The following CTNNBL1 variants were observed in gnomAD, a reference collection of about 807,000 sequenced individuals.
The protein encoded by CTNNBL1 is catenin beta like 1.
Under a neutral mutation model 72.7 loss-of-function variants are expected in CTNNBL1, and 31 were observed. That is an observed-to-expected ratio of 0.43 (90% CI 0.32 to 0.58). The LOEUF (loss-of-function observed/expected upper bound fraction) is 0.58, where lower values mean the gene tolerates loss of function less well. CTNNBL1 is among the 20% of genes least tolerant of loss of function. The pLI is 0.08. For missense variants in CTNNBL1, 534 were observed against 725.1 expected, an observed-to-expected ratio of 0.74 and a Z score of 3.03; for synonymous variants, 240 against 267.3, an observed-to-expected ratio of 0.90 and a Z score of 1.00.
chr20:37,790,082 T>G (rs1388133530), intron 10 of CTNNBL1, among the ~76,000 whole-genome samples: 1 of 152,224 alleles, frequency 6.6e-6, no homozygotes, highest in Non-Finnish European at 1.5e-5. Flanking sequence ...CAATAAGATT[T>G]TCCTTACCCT....
chr20:37,779,697 A>T (rs1278256841), intron 10 of CTNNBL1, among the ~76,000 whole-genome samples: 5 of 152,092 alleles, frequency 3.3e-5, no homozygotes, highest in Non-Finnish European at 7.3e-5. Context: ...TATCACATAG[A>T]CCTATCTATG....
In CTNNBL1 at chr20:37,757,549, C is replaced by T; in HGVS notation, c.467-10C>T. On this transcript the variant is annotated splice_polypyrimidine_tract_variant and intron_variant, in intron 4 of 15. Coordinates refer to ENST00000361383, the MANE Select transcript of CTNNBL1 (RefSeq NM_030877.5). Reference sequence around the variant, plus strand: ...TTCAGTATGTGTGTTATACCCTTAACATTTTTCACATGTGTCCATAGCTGT... The same window carrying T: ...TTCAGTATGTGTGTTATACCCTTAATATTTTTCACATGTGTCCATAGCTGT... The T allele has an allele frequency of 6.2e-7, 1 of 1,604,210 alleles. No homozygotes were observed. The highest frequency in any genetic ancestry group is 8.5e-7 in the Non-Finnish European group (1 of 1,171,270).
At chr20:37,760,141 C>G (rs892679938) in intron 5 of CTNNBL1, among the ~76,000 whole-genome samples, 8 of 152,188 alleles carry the variant, frequency 5.3e-5, no homozygotes, top group Non-Finnish European at 1.2e-4. Flanking sequence ...TGCTTTGTAA[C>G]AAGTTGATCT....
rs1280684474 is a variant in CTNNBL1, at chr20:37,731,796, A to AT, written c.31-1075dup. Among the ~76,000 whole-genome samples, 16 of 151,944 alleles carry AT rather than the reference A, an allele frequency of 1.1e-4. No homozygotes were observed. In the Middle Eastern group the frequency reaches 0.02, roughly 194 times the overall value. ...GTAGAATTCTATTGTGTATGTATAC[A>AT]TTTTTTTTATCCATTCATCTAGTGA... On this transcript the variant is annotated intron_variant, in intron 1 of 15. Transcript: ENST00000361383.
chr20:37,740,171 A>T (rs979143664), intron 3 of CTNNBL1, among the ~76,000 whole-genome samples: 2 of 152,216 alleles, frequency 1.3e-5, no homozygotes, highest in African/African-American at 4.8e-5. Context: ...GAGCATATGA[A>T]AATTGAAATT....
At chr20:37,804,335 C>A (rs1463218674) in intron 11 of CTNNBL1, among the ~76,000 whole-genome samples, 3 of 152,262 alleles carry the variant, frequency 2.0e-5, no homozygotes, top group Non-Finnish European at 4.4e-5. Context: ...AAGCCTGCCA[C>A]TTTCCTGGCC....
intron 12 of CTNNBL1, among the ~76,000 whole-genome samples, chr20:37,841,375 T>C (rs558100175): frequency 6.6e-6 from 1 of 152,306 alleles, no homozygotes; most frequent in South Asian, 2.1e-4. Flanking sequence ...ATCTTTGAAA[T>C]GGGGTTTGCT....
At chr20:37,757,453 G>A in intron 4 of CTNNBL1, 106 bp from the exon 5 acceptor site, 1 of 696,762 alleles carries the variant, frequency 1.4e-6, no homozygotes, top group Non-Finnish European at 2.5e-6. Flanking sequence ...GTCTATTAAA[G>A]GTAGATGGTG....
chr20:37,799,271 T>C (rs2073803477), intron 10 of CTNNBL1, among the ~76,000 whole-genome samples: 1 of 152,164 alleles, frequency 6.6e-6, no homozygotes, highest in Non-Finnish European at 1.5e-5. Flanking sequence ...TTGTTTGAAA[T>C]TCTCATGCCT....
intron 3 of CTNNBL1, among the ~76,000 whole-genome samples, chr20:37,743,887 A>G (rs917064177): frequency 1.3e-5 from 2 of 152,124 alleles, no homozygotes; most frequent in African/African-American, 4.8e-5. Context: ...TTCTTTTAGC[A>G]CAGAAAATAT....
rs561452834 is a variant in CTNNBL1, at chr20:37,702,929, C to G, written c.30+8777C>G. ...TGGTTGTTTCCCCTTCTGGAAAGCT[C>G]TTGTTCTACTATCTTGTTAGCTTGT... On this transcript the variant is annotated intron_variant, in intron 1 of 15. Transcript: ENST00000361383. Among the ~76,000 whole-genome samples the G allele has an allele frequency of 2.5e-4, 38 of 152,274 alleles. 1 individual carries two copies. In the South Asian group the frequency reaches 7.9e-3, roughly 32 times the overall value.
At chr20:37,702,490 A>C (rs1188669683) in intron 1 of CTNNBL1, among the ~76,000 whole-genome samples, 1 of 152,160 alleles carries the variant, frequency 6.6e-6, no homozygotes, top group Non-Finnish European at 1.5e-5. Context: ...TAAGAATATG[A>C]TTCTAATCAT....
chr20:37,762,572 G>A (rs145955735), intron 5 of CTNNBL1, among the ~76,000 whole-genome samples: 340 of 152,250 alleles, frequency 2.2e-3, no homozygotes, highest in African/African-American at 7.7e-3. Flanking sequence ...CAAGGCAAGG[G>A]TTGCCCTGGC....
At chr20:37,858,061 G>A (rs2072458593) in intron 13 of CTNNBL1, among the ~76,000 whole-genome samples, 1 of 152,196 alleles carries the variant, frequency 6.6e-6, no homozygotes, top group African/African-American at 2.4e-5. Context: ...GCTGAGTGTG[G>A]TGGCATGCAC....
chr20:37,694,881 G>C (rs978837042), intron 1 of CTNNBL1: 1 of 152,264 alleles, frequency 6.6e-6, no homozygotes, highest in African/African-American at 2.4e-5. Flanking sequence ...GAGCTCAGGC[G>C]TACTGACTTC....
intron 15 of CTNNBL1, among the ~76,000 whole-genome samples, chr20:37,867,486 C>G (rs901737548): frequency 1.3e-5 from 2 of 152,102 alleles, no homozygotes; most frequent in African/African-American, 4.8e-5. Context: ...CTAAAGTTTG[C>G]TTTAATATTT....
At chr20:37,859,292 G>A (rs927148626) in intron 13 of CTNNBL1, among the ~76,000 whole-genome samples, 6 of 151,826 alleles carry the variant, frequency 4.0e-5, no homozygotes, top group Non-Finnish European at 5.9e-5. Flanking sequence ...GGGAGGCGGA[G>A]GTTGCAGTGT....
intron 11 of CTNNBL1, among the ~76,000 whole-genome samples, chr20:37,827,117 A>T (rs913366562): frequency 6.6e-6 from 1 of 152,230 alleles, no homozygotes; most frequent in Non-Finnish European, 1.5e-5. Flanking sequence ...TTTTTGGGTT[A>T]GGCTTTCACT....
In CTNNBL1 at chr20:37,765,232, T is replaced by C. The variant is rs767651139; in HGVS notation, c.600T>C (p.Asn200=). Reference sequence around the variant, plus strand: ...AGGTGGTAGCACTGCTGGTACAGAATCTGGAGCGCCTGGATGAGTCTGTGA... The same window carrying C: ...AGGTGGTAGCACTGCTGGTACAGAACCTGGAGCGCCTGGATGAGTCTGTGA... ...DGQVVALLVQ[N]LERLDESVKE... is the part of the protein sequence containing the mutation. The change falls in exon 6 of 16, where the codon AAT becomes AAC. Residue 200 remains asparagine (N), a synonymous_variant. Transcript: ENST00000361383. The C allele has an allele frequency of 1.5e-5, 23 of 1,551,448 alleles. No homozygotes were observed. The highest frequency in any genetic ancestry group is 1.8e-5 in the Non-Finnish European group (21 of 1,146,894).
Sources: gnomAD v4.1 joint callset for allele counts (sites outside exome capture counted in the v4.1 genomes callset) on GRCh38, gnomAD v4.1.1 for gene constraint, MANE v1.5 for transcripts, NCBI Gene and HGNC (gene_info 2026-07-23, HGNC 2026-07-21) for gene names.